Variants in GK5 observed in about 807,000 individuals in gnomAD.
GK5 encodes ATP:glycerol 3-phosphotransferase 5.
GK5 carries 39 observed loss-of-function variants against 77.3 expected under a neutral mutation model. The ratio of observed to expected loss-of-function variants is 0.50; its 90% CI spans 0.39 to 0.66. GK5 has a LOEUF of 0.66. Ranked by LOEUF, GK5 falls within the 30% of genes least tolerant of loss-of-function variation. GK5 has a pLI of 0.00. For synonymous variants in GK5, 211 were observed against 208.0 expected, an observed-to-expected ratio of 1.01 and a Z score of -0.13; for missense variants, 487 against 633.8, an observed-to-expected ratio of 0.77 and a Z score of 2.49.
intron 11 of GK5, among the ~76,000 whole-genome samples, chr3:142,179,411 T>C (rs2063663956): frequency 6.6e-6 from 1 of 152,178 alleles, no homozygotes; most frequent in Non-Finnish European, 1.5e-5. Flanking sequence ...AAGCCAAGTA[T>C]GGTGGCGTGC....
Position 142,225,512 on chromosome 3 carries a change from C to A in GK5, c.-57G>T. 2.6e-6 allele frequency: 4 copies of A among 1,566,336 alleles called. No homozygotes were observed. The highest frequency in any genetic ancestry group is 2.3e-5 in the South Asian group (2 of 85,866). On this transcript the variant is annotated 5_prime_UTR_variant, in exon 1 of 16. Coordinates refer to ENST00000392993, the MANE Select transcript of GK5 (RefSeq NM_001039547.3). ...CCTACCCAGAGGGCGCGCTACAAAT[C>A]CCAATGCTCCAGAGTCCCCGGGCGG...
intron 14 of GK5, among the ~76,000 whole-genome samples, chr3:142,170,969 C>G (rs1210612515): frequency 1.3e-5 from 2 of 152,256 alleles, no homozygotes; most frequent in East Asian, 3.9e-4. Flanking sequence ...TGGCTCACAC[C>G]TGTAATCCCA....
In GK5 at chr3:142,159,924, T is replaced by G. The variant is rs1012841372; in HGVS notation, c.*5698A>C. 1 of 150,900 alleles carries G rather than the reference T, an allele frequency of 6.6e-6. No homozygotes were observed. Among genetic ancestry groups the G allele is most frequent in the Non-Finnish European group, 1.5e-5 (1 of 67,920 alleles). 9.3% of individuals were successfully genotyped at this position (150,900 alleles called of 1,614,324 possible). On this transcript the variant is annotated 3_prime_UTR_variant, in exon 16 of 16. Coordinates refer to ENST00000392993, the MANE Select transcript of GK5 (RefSeq NM_001039547.3). Reference sequence around the variant, plus strand: ...ATGCAGTGGCCCAATCTCGGCTCACTGCAACCTCCACGTCCCGGGTTCAAG... The same window carrying G: ...ATGCAGTGGCCCAATCTCGGCTCACGGCAACCTCCACGTCCCGGGTTCAAG...
intron 5 of GK5, among the ~76,000 whole-genome samples, chr3:142,193,481 TACAAAAAAAAAAAA>T (rs2063883751): frequency 8.2e-6 from 1 of 121,214 alleles, no homozygotes. Context: ...GCTTGTCTGC[TACAAAAAAAAAAAA>T]ACAAAAAAAA....
intron 15 of GK5, among the ~76,000 whole-genome samples, chr3:142,168,641 C>T (rs903662775): frequency 1.1e-4 from 17 of 151,518 alleles, no homozygotes; most frequent in African/African-American, 4.1e-4. Context: ...ATTGACATGC[C>T]TACTTTCATT....
At chr3:142,224,163 G>C (rs1388995649) in intron 1 of GK5, among the ~76,000 whole-genome samples, 2 of 152,140 alleles carry the variant, frequency 1.3e-5, no homozygotes, top group African/African-American at 2.4e-5. Flanking sequence ...TTGGCACTTA[G>C]GGAGGCCGAG....
At chr3:142,174,284 C>T (rs2063579115) in intron 12 of GK5, among the ~76,000 whole-genome samples, 1 of 152,092 alleles carries the variant, frequency 6.6e-6, no homozygotes, top group Non-Finnish European at 1.5e-5. Flanking sequence ...CTTATCTTTG[C>T]TATAGCTATG....
intron 5 of GK5, 22 bp downstream of exon 5, chr3:142,198,780 C>T: frequency 6.3e-7 from 1 of 1,596,418 alleles, no homozygotes; most frequent in African/African-American, 1.4e-5. Flanking sequence ...ATATTTTCCA[C>T]ATACACACAG....
rs1002684822 is a variant in GK5, at chr3:142,186,401, C to T, written c.681+51G>A. The T allele has an allele frequency of 8.2e-6, 9 of 1,102,012 alleles. No individual in the cohort carries two copies. The African/African-American group carries it at 1.3e-4, about 16-fold the overall frequency. 68.3% of individuals were successfully genotyped at this position (1,102,012 alleles called of 1,614,324 possible). On this transcript the variant is annotated intron_variant, in intron 7 of 15. Transcript: ENST00000392993. ...ACTAATTTTAAAAATTTAAATCTAT[C>T]TATATTACACAAAAATGTGTGATTC...
At chr3:142,197,339 G>A (rs760859137) in intron 5 of GK5, among the ~76,000 whole-genome samples, 1 of 152,020 alleles carries the variant, frequency 6.6e-6, no homozygotes, top group Non-Finnish European at 1.5e-5. Flanking sequence ...TATTTATGAT[G>A]AATTCACCAT....
At chr3:142,199,991 AAC>A (rs1213184071) in intron 4 of GK5, among the ~76,000 whole-genome samples, 3 of 152,078 alleles carry the variant, frequency 2.0e-5, no homozygotes, top group Admixed American at 6.6e-5. Context: ...TTTAATTGAT[AAC>A]ACATCAATTA....
In GK5 at chr3:142,177,787, T is replaced by C. The variant is rs149030003; in HGVS notation, c.1049-211A>G. On this transcript the variant is annotated intron_variant, in intron 11 of 15. Coordinates refer to ENST00000392993, the MANE Select transcript of GK5 (RefSeq NM_001039547.3). The stretch of plus-strand genomic sequence containing the variant: ...CACACTGCATAGGTTTCCAGGCCCA[T>C]AGAAGGGAGACAGGAGGTAGAAGGC... Among the ~76,000 whole-genome samples the C allele has an allele frequency of 3.7e-3, 559 of 151,854 alleles. 4 individuals are homozygous for C. The highest frequency in any genetic ancestry group is 0.011 in the African/African-American group (464 of 41,382).
intron 3 of GK5, among the ~76,000 whole-genome samples, chr3:142,209,777 G>A (rs994586952): frequency 2.0e-5 from 3 of 152,060 alleles, no homozygotes; most frequent in Admixed American, 6.6e-5. Flanking sequence ...ATCTGTATAC[G>A]CAGTGCAGCC....
At chr3:142,177,731 G>A in intron 11 of GK5, 155 bp from the exon 12 acceptor site, 1 of 589,396 alleles carries the variant, frequency 1.7e-6, no homozygotes, top group Non-Finnish European at 3.0e-6. Context: ...TCAGCACAAA[G>A]ACCATTCTGT....
rs761942162 is a variant in GK5, at chr3:142,170,368, G to A, written c.1398C>T (p.Asp466=). The A allele has an allele frequency of 6.2e-7, 1 of 1,613,860 alleles. No homozygotes were observed. Among genetic ancestry groups the A allele is most frequent in the Admixed American group, 1.7e-5 (1 of 60,024 alleles). The change falls in exon 15 of 16, where the codon GAC becomes GAT. Residue 466 remains aspartate (D), a synonymous_variant. Transcript: ENST00000392993. ...GAGAAGCTGCACCCAGGCATGACAT[G>A]TCAATGTCGGCAGGTCTGTCTATAT... The part of the protein sequence containing the change: ...NENIDRPADI[D]MSCLGAASLA...
chr3:142,171,347 AGT>A, intron 14 of GK5, 70 bp downstream of exon 14: 1 of 1,303,414 alleles, frequency 7.7e-7, no homozygotes, highest in Non-Finnish European at 1.0e-6. Flanking sequence ...AAAAGAAATG[AGT>A]GGTAGCTCAT....
At chr3:142,169,007 A>G (rs1276923201) in intron 15 of GK5, among the ~76,000 whole-genome samples, 2 of 152,134 alleles carry the variant, frequency 1.3e-5, no homozygotes, top group Non-Finnish European at 2.9e-5. Flanking sequence ...AGCCTAGACC[A>G]CTTGCTTATT....
At position 142,158,745 on chromosome 3, in the gene GK5, G is replaced by A. The variant is rs1487163790; in HGVS notation, c.*6877C>T. On this transcript the variant is annotated 3_prime_UTR_variant, in exon 16 of 16. Transcript: ENST00000392993. ...AATAACTTATTAACAAAATCATTCT[G>A]AAACCTTTACACAAATCAGCCTGCT... The A allele has an allele frequency of 1.3e-5, 2 of 152,460 alleles. No homozygotes were observed. Among genetic ancestry groups the A allele is most frequent in the Non-Finnish European group, 2.9e-5 (2 of 68,016 alleles). 9.4% of individuals were successfully genotyped at this position (152,460 alleles called of 1,614,324 possible).
At chr3:142,225,184 G>C in intron 1 of GK5, 125 bp downstream of exon 1, 1 of 1,065,110 alleles carries the variant, frequency 9.4e-7, no homozygotes, top group Non-Finnish European at 1.3e-6. Flanking sequence ...CCCAGGGCCC[G>C]CGGGTGCTGC....
Sources: allele counts gnomAD v4.1 joint callset (sites outside exome capture counted in the v4.1 genomes callset), GRCh38; gene constraint gnomAD v4.1.1; transcripts MANE v1.5; gene names NCBI Gene and HGNC (gene_info 2026-07-23, HGNC 2026-07-21).